The following RBM26 variants were observed in gnomAD, a reference collection of about 807,000 sequenced individuals.
RBM26 encodes the protein RNA-binding protein 26.
A neutral mutation model predicts 123.6 loss-of-function variants in RBM26; 30 were observed. The observed-to-expected ratio is 0.24, with a 90% confidence interval of 0.18 to 0.33. The LOEUF (loss-of-function observed/expected upper bound fraction) is 0.33, where lower values mean the gene tolerates loss of function less well. Among genes scored for constraint, RBM26 ranks in the 10% least tolerant of loss-of-function variants. RBM26 has a pLI of 1.00. For missense variants in RBM26, 947 were observed against 1,203.6 expected, an observed-to-expected ratio of 0.79 and a Z score of 3.15; for synonymous variants, 400 against 404.4, an observed-to-expected ratio of 0.99 and a Z score of 0.13.
At chr13:79,348,037 C>T (rs2072620186) in intron 14 of RBM26, among the ~76,000 whole-genome samples, 2 of 152,046 alleles carry the variant, frequency 1.3e-5, no homozygotes, top group South Asian at 4.1e-4. Flanking sequence ...GAGTTTTTTC[C>T]TCCCTCATTC....
chr13:79,327,630 A>T (rs544187544), intron 20 of RBM26, among the ~76,000 whole-genome samples: 1 of 152,272 alleles, frequency 6.6e-6, no homozygotes, highest in South Asian at 2.1e-4. Flanking sequence ...CACATTTAAT[A>T]AAAAAAGATG....
Position 79,320,096 on chromosome 13 carries a change from G to A in RBM26, c.*525C>T. The stretch of plus-strand genomic sequence containing the variant: ...CACCATTATCATTAAAACCCATATG[G>A]TAAAATACATACACAGTCCAACAAA... On this transcript the variant is annotated 3_prime_UTR_variant, in exon 22 of 22. Transcript: ENST00000438737. 50 of 974,692 alleles carry A rather than the reference G, an allele frequency of 5.1e-5. No homozygotes were observed. Among genetic ancestry groups the A allele is most frequent in the Non-Finnish European group, 5.7e-5 (47 of 821,428 alleles). 60.4% of individuals were successfully genotyped at this position (974,692 alleles called of 1,614,324 possible).
At chr13:79,349,856 C>T (rs913629040) in intron 14 of RBM26, among the ~76,000 whole-genome samples, 3 of 152,024 alleles carry the variant, frequency 2.0e-5, no homozygotes, top group African/African-American at 7.2e-5. Flanking sequence ...CGCCACGAGG[C>T]CCAGCTAATT....
chr13:79,388,834 G>A (rs989146416), intron 1 of RBM26, among the ~76,000 whole-genome samples: 4 of 152,090 alleles, frequency 2.6e-5, no homozygotes, highest in Admixed American at 6.5e-5. Flanking sequence ...GAAAGTAATA[G>A]TAACAAATAA....
rs539846332 is a variant in RBM26 at position 79,332,393 on chromosome 13, T to C, written c.2820+1951A>G. 5.3e-5 allele frequency among the ~76,000 whole-genome samples: 8 copies of C among 152,322 alleles called. No individual in the cohort carries two copies. In the East Asian group the frequency reaches 1.3e-3, roughly 26 times the overall value. The stretch of plus-strand genomic sequence containing the variant: ...CACAAATTTTTAAATTCCTAAACTT[T>C]ACTGTTCCCTGAAATCCAAAAGTTT... On this transcript the variant is annotated intron_variant, in intron 20 of 21. Coordinates refer to ENST00000438737, the MANE Select transcript of RBM26 (RefSeq NM_001366735.2).
intron 1 of RBM26, among the ~76,000 whole-genome samples, chr13:79,391,986 G>A (rs944931776): frequency 8.4e-5 from 10 of 119,134 alleles, no homozygotes; most frequent in South Asian, 2.5e-4. Context: ...TATATATTAT[G>A]CAATACATTA....
rs1234618409 is a variant in RBM26 at position 79,366,078 on chromosome 13, G to C, written c.1253C>G (p.Ala418Gly). 3 of 1,613,930 alleles carry C rather than the reference G, an allele frequency of 1.9e-6. No homozygotes were observed. The African/African-American group carries it at 4.0e-5, about 22-fold the overall frequency. The change falls in exon 8 of 22, where the codon GCT (alanine) becomes GGT (glycine). Residue 418 changes from alanine to glycine, a missense_variant. Coordinates refer to ENST00000438737, the MANE Select transcript of RBM26 (RefSeq NM_001366735.2). ...ACCTGCAGTAAAAAGAGAGGGTGGAGCAGGAGGAGGCTGGTGATGAATGCC... is the reference window on the plus strand; with the variant it reads ...ACCTGCAGTAAAAAGAGAGGGTGGACCAGGAGGAGGCTGGTGATGAATGCC... Reference protein sequence around the residue: ...TTGIHHQPPPAPPSLFTADTY... With the variant: ...TTGIHHQPPPGPPSLFTADTY...
chr13:79,402,435 C>CTTTTTTT (rs35140010), intron 1 of RBM26, among the ~76,000 whole-genome samples: 1 of 140,620 alleles, frequency 7.1e-6, no homozygotes, highest in Non-Finnish European at 1.5e-5. Context: ...CACAGCCAGG[C>CTTTTTTT]TTTTTTTTTT....
intron 20 of RBM26, among the ~76,000 whole-genome samples, chr13:79,322,798 T>C (rs1453994647): frequency 6.6e-6 from 1 of 151,484 alleles, no homozygotes; most frequent in Admixed American, 6.6e-5. Flanking sequence ...CAATGACAAC[T>C]GCTGTTTAAG....
intron 14 of RBM26, among the ~76,000 whole-genome samples, chr13:79,351,016 A>AT (rs551021497): frequency 1.2e-4 from 18 of 152,148 alleles, no homozygotes; most frequent in Non-Finnish European, 2.6e-4. Context: ...ACCATAAATG[A>AT]TTTTTTTCCC....
At chr13:79,389,997 TTCTA>T (rs1183680974) in intron 1 of RBM26, among the ~76,000 whole-genome samples, 1 of 152,162 alleles carries the variant, frequency 6.6e-6, no homozygotes, top group African/African-American at 2.4e-5. Context: ...ATATAAATGA[TTCTA>T]TCTATGAAAA....
chr13:79,335,077 A>T (rs1008110642), intron 19 of RBM26, among the ~76,000 whole-genome samples: 2 of 152,028 alleles, frequency 1.3e-5, no homozygotes, highest in African/African-American at 4.8e-5. Flanking sequence ...TTTTTCTACA[A>T]ACAGCAACCT....
chr13:79,356,686 T>C (rs1352555497), intron 11 of RBM26, among the ~76,000 whole-genome samples: 1 of 152,150 alleles, frequency 6.6e-6, no homozygotes, highest in Admixed American at 6.5e-5. Flanking sequence ...CATCACTATG[T>C]TTAATTAGCA....
intron 9 of RBM26, among the ~76,000 whole-genome samples, chr13:79,364,822 T>C (rs778860834): frequency 2.0e-5 from 3 of 152,176 alleles, no homozygotes; most frequent in African/African-American, 7.2e-5. Flanking sequence ...TCTTAACACA[T>C]GATATCCTTT....
chr13:79,391,996 AT>A (rs2078045482), intron 1 of RBM26, among the ~76,000 whole-genome samples: 6 of 57,404 alleles, frequency 1.0e-4, no homozygotes, highest in African/African-American at 5.7e-4. Flanking sequence ...GCAATACATT[AT>A]TATATAATTA....
At chr13:79,381,447 A>AT (rs1295037999) in intron 1 of RBM26, among the ~76,000 whole-genome samples, 1 of 151,624 alleles carries the variant, frequency 6.6e-6, no homozygotes, top group Non-Finnish European at 1.5e-5. Context: ...TAATATTATT[A>AT]TGTTTTATTG....
intron 5 of RBM26, 49 bp downstream of exon 5, chr13:79,370,896 T>C: frequency 3.2e-6 from 5 of 1,555,300 alleles, no homozygotes; most frequent in Non-Finnish European, 4.4e-6. Flanking sequence ...TTTAAAAACA[T>C]TTAAACATGG....
At chr13:79,331,224 G>T (rs549467278) in intron 20 of RBM26, among the ~76,000 whole-genome samples, 3 of 152,034 alleles carry the variant, frequency 2.0e-5, no homozygotes, top group Non-Finnish European at 2.9e-5. Context: ...GGCTGGTCTC[G>T]AACTCCTGGA....
intron 3 of RBM26, among the ~76,000 whole-genome samples, chr13:79,373,271 AATGT>A (rs1259854239): frequency 1.9e-5 from 2 of 107,500 alleles, no homozygotes; most frequent in Non-Finnish European, 3.4e-5. Flanking sequence ...GGTGAGTTCT[AATGT>A]ATTTATATAT....
Sources: allele counts gnomAD v4.1 joint callset (sites outside exome capture counted in the v4.1 genomes callset), GRCh38; gene constraint gnomAD v4.1.1; transcripts MANE v1.5; gene names NCBI Gene and HGNC (gene_info 2026-07-23, HGNC 2026-07-21).